Variants in CHMP1A observed in about 807,000 individuals in gnomAD.
CHMP1A encodes charged multivesicular body protein 1A.
A neutral mutation model predicts 27.0 loss-of-function variants in CHMP1A; 17 were observed. The observed-to-expected ratio is 0.63, with a 90% CI of 0.43 to 0.95. The LOEUF is 0.95. Ranked by LOEUF, CHMP1A falls within the 40% of genes least tolerant of loss-of-function variation. The probability of loss-of-function intolerance (pLI) is 0.00; values close to 1 mark genes in which losing one functional copy is unlikely to be tolerated. For missense variants in CHMP1A, 275 were observed against 264.0 expected, an observed-to-expected ratio of 1.04 and a Z score of -0.29; for synonymous variants, 131 against 107.5, an observed-to-expected ratio of 1.22 and a Z score of -1.35.
chr16:89,657,295 G>A (rs2059889472), intron 1 of CHMP1A, among the ~76,000 whole-genome samples: 2 of 150,708 alleles, frequency 1.3e-5, no homozygotes, highest in South Asian at 2.1e-4. Context: ...CCTGGGGAAG[G>A]GGTTCCGGGT....
intron 1 of CHMP1A, among the ~76,000 whole-genome samples, chr16:89,654,803 C>T (rs1020003897): frequency 3.3e-5 from 5 of 151,936 alleles, no homozygotes; most frequent in African/African-American, 9.7e-5. Flanking sequence ...ATTAGCCAGG[C>T]GTGGTGGCGG....
Position 89,645,999 on chromosome 16 carries a change from G to T in CHMP1A, c.*67C>A, listed in dbSNP as rs771412753. The stretch of plus-strand genomic sequence containing the variant: ...GGGGTCAGCACAAAGGCAAGACGCG[G>T]TGGGGAGAGGACAGGAGCCTTCCAG... On this transcript the variant is annotated 3_prime_UTR_variant, in exon 7 of 7. Transcript: ENST00000397901. 7.4e-6 allele frequency: 12 copies of T among 1,611,958 alleles called. No homozygotes were observed. Among genetic ancestry groups the T allele is most frequent in the Non-Finnish European group, 9.3e-6 (11 of 1,179,384 alleles).
intron 4 of CHMP1A, among the ~76,000 whole-genome samples, chr16:89,647,805 C>G (rs71396942): frequency 2.8e-4 from 1 of 3,634 alleles, no homozygotes; most frequent in South Asian, 0.025. Context: ...GAGAAAAGGC[C>G]GCCGACGTGG....
rs555773745 is a variant in CHMP1A, at chr16:89,645,864, C to T, written c.*202G>A. 1.1e-4 allele frequency: 174 copies of T among 1,534,430 alleles called. 5 individuals carry two copies. In the South Asian group the frequency reaches 2.0e-3, roughly 18 times the overall value. On this transcript the variant is annotated 3_prime_UTR_variant, in exon 7 of 7. Coordinates refer to ENST00000397901, the MANE Select transcript of CHMP1A (RefSeq NM_002768.5). ...TCACCCCCAGAAATTTGCAGAAACT[C>T]AACACCAGGACACAGACCCACCGCC...
chr16:89,646,936 G>A, intron 5 of CHMP1A: 1 of 1,117,684 alleles, frequency 8.9e-7, no homozygotes, highest in South Asian at 1.5e-5. Flanking sequence ...TGCCGCGGGT[G>A]GACATCTTTC....
chr16:89,652,433 G>A (rs369207258), intron 2 of CHMP1A, among the ~76,000 whole-genome samples: 35 of 111,568 alleles, frequency 3.1e-4, no homozygotes, highest in Admixed American at 3.5e-4. Flanking sequence ...CCAGCACCTC[G>A]AGGAAACAGG....
chr16:89,646,187 G>A, intron 6 of CHMP1A, 100 bp from the exon 7 acceptor site: 2 of 1,075,160 alleles, frequency 1.9e-6, no homozygotes, highest in Non-Finnish European at 2.7e-6. Flanking sequence ...TCAGTGTCCT[G>A]AGATAACATG....
intron 2 of CHMP1A, among the ~76,000 whole-genome samples, chr16:89,653,296 A>G (rs2059839233): frequency 7.2e-6 from 1 of 139,654 alleles, no homozygotes; most frequent in Non-Finnish European, 1.6e-5. Flanking sequence ...GGCGTGAGCC[A>G]CCGCGCCTGG....
chr16:89,646,891 C>A (rs571676027), intron 5 of CHMP1A, 177 bp from the exon 6 acceptor site: 27 of 669,360 alleles, frequency 4.0e-5, no homozygotes, highest in Admixed American at 9.3e-5. Context: ...CCTGCCCCCC[C>A]ACCCAGCCCC....
In CHMP1A at chr16:89,657,650, A is replaced by AG; in HGVS notation, c.-63dup. 8.1e-6 allele frequency: 13 copies of AG among 1,605,466 alleles called. No homozygotes were observed. In the South Asian group the frequency reaches 1.4e-4, roughly 18 times the overall value. On this transcript the variant is annotated 5_prime_UTR_variant, in exon 1 of 7. Transcript: ENST00000397901. ...AGGGACGCCAACTCCGGGCGGTGTC[A>AG]GGTCCCGGCGGCGATCGAACCGACC...
chr16:89,646,813 C>T (rs979624740), intron 5 of CHMP1A, 99 bp from the exon 6 acceptor site: 23 of 1,300,140 alleles, frequency 1.8e-5, no homozygotes, highest in Non-Finnish European at 2.4e-5. Context: ...TTCCCTCACA[C>T]AGCCAGCCAC....
chr16:89,645,630 A>C lies in CHMP1A; in HGVS notation c.*436T>G, dbSNP rs78208987. Reference sequence around the variant, plus strand: ...TAGACCTGTGGTGCCTCCTTGGGCTATGTCTGTCCACATGGTGGGACCTCC... The same window carrying C: ...TAGACCTGTGGTGCCTCCTTGGGCTCTGTCTGTCCACATGGTGGGACCTCC... On this transcript the variant is annotated 3_prime_UTR_variant, in exon 7 of 7. Coordinates refer to ENST00000397901, the MANE Select transcript of CHMP1A (RefSeq NM_002768.5). 0.015 allele frequency: 4,782 copies of C among 312,538 alleles called. 72 individuals are homozygous for C. Among genetic ancestry groups the C allele is most frequent in the African/African-American group, 0.041 (1,814 of 44,314 alleles). 19.4% of individuals were successfully genotyped at this position (312,538 alleles called of 1,614,324 possible).
At chr16:89,647,105 A>G in intron 5 of CHMP1A, 98 bp downstream of exon 5, 1 of 1,543,490 alleles carries the variant, frequency 6.5e-7, no homozygotes, top group South Asian at 1.2e-5. Context: ...ACAGGTATGC[A>G]GAGACAGCAC....
intron 1 of CHMP1A, 39 bp from the exon 2 acceptor site, chr16:89,653,962 A>C (rs2059844530): frequency 6.2e-7 from 1 of 1,608,462 alleles, no homozygotes; most frequent in African/African-American, 1.3e-5. Flanking sequence ...GAGGATTGGG[A>C]ATGGGACGTT....
intron 1 of CHMP1A, among the ~76,000 whole-genome samples, chr16:89,654,678 C>G (rs1208988973): frequency 1.3e-5 from 2 of 151,874 alleles, no homozygotes; most frequent in Non-Finnish European, 2.9e-5. Context: ...TGCGGTGGCT[C>G]ACGCCTGTAA....
In CHMP1A at chr16:89,647,292, T is replaced by C; in HGVS notation, c.292A>G (p.Lys98Glu). ...TGCAGGTCCATGGTGCTCAGGGCCT[T>C]GTCCAGGGCTTTGGTCACCTGGGCC... ...NMAQVTKALD[K>E]ALSTMDLQKV... The change falls in exon 5 of 7, where the codon AAG becomes GAG. Residue 98 changes from lysine (K) to glutamate (E), a missense_variant. Coordinates refer to ENST00000397901, the MANE Select transcript of CHMP1A (RefSeq NM_002768.5). The C allele has an allele frequency of 1.2e-6, 2 of 1,611,782 alleles. No homozygotes were observed. The highest frequency in any genetic ancestry group is 1.7e-6 in the Non-Finnish European group (2 of 1,178,756).
chr16:89,651,518 G>A, intron 3 of CHMP1A, 51 bp downstream of exon 3: 3 of 1,565,520 alleles, frequency 1.9e-6, no homozygotes, highest in Non-Finnish European at 2.6e-6. Context: ...GGCAGAAAAG[G>A]ACAGAAGACA....
chr16:89,654,423 T>G (rs258336), intron 1 of CHMP1A, among the ~76,000 whole-genome samples: 70,367 of 151,850 alleles, frequency 0.46, 17,923 homozygotes, highest in Middle Eastern at 0.71. Flanking sequence ...ATTTAAAAGT[T>G]CAGTACTTGA....
At position 89,645,327 on chromosome 16, in the gene CHMP1A, C is replaced by T. The variant is rs1334282970; in HGVS notation, c.*739G>A. ...CTCCCTGTCGAGGAGACAAACAGCA[C>T]AGCACATGTGGCCAAAGGCACCTCC... On this transcript the variant is annotated 3_prime_UTR_variant, in exon 7 of 7. Coordinates refer to ENST00000397901, the MANE Select transcript of CHMP1A (RefSeq NM_002768.5). 6.5e-6 allele frequency: 1 copy of T among 153,478 alleles called. No homozygotes were observed. The highest frequency in any genetic ancestry group is 2.4e-5 in the African/African-American group (1 of 41,480). 9.5% of individuals were successfully genotyped at this position (153,478 alleles called of 1,614,324 possible). A position where few individuals can be genotyped will look rare whatever the true frequency, so the allele number is the denominator to read the frequency against.
Sources: gnomAD v4.1 joint callset for allele counts (sites outside exome capture counted in the v4.1 genomes callset) on GRCh38, gnomAD v4.1.1 for gene constraint, MANE v1.5 for transcripts, NCBI Gene and HGNC (gene_info 2026-07-23, HGNC 2026-07-21) for gene names.